Variants in PDE1C observed in about 807,000 individuals in gnomAD.
PDE1C encodes dual specificity calcium/calmodulin-dependent 3',5'-cyclic nucleotide phosphodiesterase 1C.
Under a neutral mutation model 93.1 loss-of-function variants are expected in PDE1C, and 62 were observed. The observed-to-expected ratio is 0.67, with a 90% CI of 0.54 to 0.82. PDE1C has a LOEUF of 0.82. Ranked by LOEUF, PDE1C falls within the 40% of genes least tolerant of loss-of-function variation. The pLI is 0.00. For missense variants in PDE1C, 742 were observed against 884.6 expected (o/e 0.84, Z 2.04); for synonymous variants, 325 against 310.1 (o/e 1.05, Z -0.50).
chr7:31,839,008 A>T (rs189531415), intron 9 of PDE1C, among the ~76,000 whole-genome samples: 1 of 148,374 alleles, frequency 6.7e-6, no homozygotes, highest in Admixed American at 6.8e-5. Context: ...AATATATATT[A>T]TAGATTTCAA....
chr7:31,713,468 T>C, the PDE1C span, among the ~76,000 whole-genome samples: 1 of 152,164 alleles, frequency 6.6e-6, no homozygotes, highest in Non-Finnish European at 1.5e-5. Context: ...CTTTTCCAGG[T>C]GGATGGTGCA....
chr7:32,023,000 G>A (rs1251885497), intron 2 of PDE1C, among the ~76,000 whole-genome samples: 1 of 150,488 alleles, frequency 6.6e-6, no homozygotes, highest in Admixed American at 6.6e-5. Context: ...CAAACCGGAA[G>A]AGGCTTTGCT....
At position 32,203,431 on chromosome 7, in the gene PDE1C, G is replaced by A. The variant is rs575389080; in HGVS notation, c.136+6058C>T. Among the ~76,000 whole-genome samples, 5 of 152,012 alleles carry A rather than the reference G, an allele frequency of 3.3e-5. No homozygotes were observed. In the East Asian group the frequency reaches 9.7e-4, roughly 29 times the overall value. ...TCCCTCTATTTCAACCAACCCCAGCGATCACCCCACTGCACATCTCTGCCT... is the reference window on the plus strand; with the variant it reads ...TCCCTCTATTTCAACCAACCCCAGCAATCACCCCACTGCACATCTCTGCCT... On this transcript the variant is annotated intron_variant, in intron 2 of 18. Transcript: ENST00000396193.
chr7:32,208,754 G>T (rs1039189370), intron 2 of PDE1C, among the ~76,000 whole-genome samples: 2 of 152,056 alleles, frequency 1.3e-5, no homozygotes, highest in African/African-American at 4.8e-5. Context: ...TCCAGGAAGT[G>T]CATTAACTTG....
intron 16 of PDE1C, chr7:31,789,901 C>T (rs1784386009): frequency 1.8e-6 from 2 of 1,084,452 alleles, no homozygotes; most frequent in Admixed American, 5.1e-5. Context: ...CCATTCTCAT[C>T]AGGCCAGACA....
At chr7:32,067,204 G>C (rs1278648449) in intron 1 of PDE1C, among the ~76,000 whole-genome samples, 1 of 152,160 alleles carries the variant, frequency 6.6e-6, no homozygotes, top group African/African-American at 2.4e-5. Flanking sequence ...AATGCTAAGA[G>C]TTATTCCTAA....
the PDE1C span, chr7:31,697,054 C>T: frequency 1.2e-6 from 2 of 1,614,128 alleles, no homozygotes; most frequent in Non-Finnish European, 1.7e-6. Context: ...TAACACTGAC[C>T]TGGAACAGAA....
At chr7:32,318,723 AGAGTTG>A in intron 1 of PDE1C, among the ~76,000 whole-genome samples, 1 of 152,358 alleles carries the variant, frequency 6.6e-6, no homozygotes, top group East Asian at 1.9e-4. Context: ...AAATCACGAC[AGAGTTG>A]GTCACGAGGA....
At chr7:31,694,512 G>A in the PDE1C span, among the ~76,000 whole-genome samples, 6 of 152,154 alleles carry the variant, frequency 3.9e-5, no homozygotes, top group South Asian at 1.2e-3. Context: ...AATGATAAGA[G>A]TCCATGTTTG....
chr7:31,875,378 T>G (rs1490428822), intron 5 of PDE1C, among the ~76,000 whole-genome samples: 1 of 152,136 alleles, frequency 6.6e-6, no homozygotes, highest in Non-Finnish European at 1.5e-5. Context: ...CTTTGGTCCC[T>G]CATGTTAGGG....
chr7:32,350,347 T>G (rs930865972), intron 1 of PDE1C, among the ~76,000 whole-genome samples: 1 of 152,130 alleles, frequency 6.6e-6, no homozygotes, highest in African/African-American at 2.4e-5. Context: ...AGTATGTATG[T>G]AGAACATAAA....
chr7:31,837,359 G>GT (rs1171852555), intron 10 of PDE1C, 59 bp from the exon 11 acceptor site: 7 of 1,453,672 alleles, frequency 4.8e-6, no homozygotes, highest in South Asian at 3.0e-5. Context: ...CTCAGTAAGA[G>GT]TTTTTTAAAA....
chr7:32,030,563 G>A (rs1306474125), intron 2 of PDE1C, among the ~76,000 whole-genome samples: 1 of 151,926 alleles, frequency 6.6e-6, no homozygotes, highest in East Asian at 1.9e-4. Context: ...ACACATTACC[G>A]CCAAAATAAG....
chr7:31,955,073 A>G (rs959099817), intron 2 of PDE1C, among the ~76,000 whole-genome samples: 1 of 152,194 alleles, frequency 6.6e-6, no homozygotes, highest in Non-Finnish European at 1.5e-5. Context: ...CTCTCTTTGT[A>G]CTTTGAATCA....
intron 16 of PDE1C, among the ~76,000 whole-genome samples, chr7:31,805,225 T>C (rs1283419175): frequency 3.3e-5 from 5 of 151,460 alleles, no homozygotes; most frequent in African/African-American, 9.7e-5. Flanking sequence ...CAGTTTGGGG[T>C]ATGTCTTTAT....
chr7:32,240,384 T>C (rs1808456598), intron 1 of PDE1C, among the ~76,000 whole-genome samples: 1 of 152,170 alleles, frequency 6.6e-6, no homozygotes, highest in African/African-American at 2.4e-5. Flanking sequence ...AACAAAATGG[T>C]AAGTCCCAGA....
intron 2 of PDE1C, among the ~76,000 whole-genome samples, chr7:31,900,437 T>C (rs1799827966): frequency 6.6e-6 from 1 of 150,714 alleles, no homozygotes; most frequent in African/African-American, 2.4e-5. Flanking sequence ...TACTGTAATA[T>C]ACAATCCTTT....
the PDE1C span, among the ~76,000 whole-genome samples, chr7:31,667,513 G>A: frequency 1.3e-5 from 2 of 152,222 alleles, no homozygotes; most frequent in Non-Finnish European, 2.9e-5. Flanking sequence ...ATTGACGCCC[G>A]TGCTATGCTG....
chr7:32,308,709 TAAC>T (rs1203510846), intron 1 of PDE1C, among the ~76,000 whole-genome samples: 1 of 152,200 alleles, frequency 6.6e-6, no homozygotes, highest in Non-Finnish European at 1.5e-5. Context: ...GAAGGAAAAC[TAAC>T]AAACAGAAAG....
Sources: allele counts gnomAD v4.1 joint callset (sites outside exome capture counted in the v4.1 genomes callset), GRCh38; gene constraint gnomAD v4.1.1; transcripts MANE v1.5; gene names NCBI Gene and HGNC (gene_info 2026-07-23, HGNC 2026-07-21).